RANBP2: variants seen among roughly 807,000 people sequenced by gnomAD.
RANBP2 encodes RAN binding protein 2.
Under a neutral mutation model 303.6 loss-of-function variants are expected in RANBP2, and 57 were observed. The ratio of observed to expected loss-of-function variants is 0.19; its 90% CI spans 0.15 to 0.23. RANBP2 has a LOEUF of 0.23. Ranked by LOEUF, RANBP2 falls within the 10% of genes least tolerant of loss-of-function variation. RANBP2 has a pLI of 1.00. For missense variants in RANBP2, 3,138 were observed against 3,780.8 expected (o/e 0.83, Z 4.46); for synonymous variants, 1,167 against 1,301.5 (o/e 0.90, Z 2.23).
the RANBP2 span, among the ~76,000 whole-genome samples, chr2:109,310,812 T>C: frequency 1.0e-5 from 1 of 95,434 alleles, no homozygotes; most frequent in Non-Finnish European, 1.9e-5. Context: ...AATCTCTGAA[T>C]AGACCAATAA....
chr2:109,393,688 G>A, the RANBP2 span, among the ~76,000 whole-genome samples: 2 of 151,680 alleles, frequency 1.3e-5, no homozygotes, highest in African/African-American at 4.8e-5. Flanking sequence ...CCCTTGTATC[G>A]CGCTCCCAAG....
At chr2:108,946,450 A>G in the RANBP2 span, among the ~76,000 whole-genome samples, 1 of 152,228 alleles carries the variant, frequency 6.6e-6, no homozygotes, top group Non-Finnish European at 1.5e-5. Context: ...GCACCAAACA[A>G]TTCTTAAAAA....
chr2:109,315,471 T>A, the RANBP2 span, among the ~76,000 whole-genome samples: 1 of 152,266 alleles, frequency 6.6e-6, no homozygotes, highest in Non-Finnish European at 1.5e-5. Context: ...CACTTGCTTT[T>A]ACTAAGAGGC....
chr2:109,726,488 A>T, the RANBP2 span, among the ~76,000 whole-genome samples: 2 of 152,084 alleles, frequency 1.3e-5, no homozygotes, highest in East Asian at 1.9e-4. Context: ...CCCCTCCAGG[A>T]TCCCTTTGTG....
chr2:108,809,231 T>C, the RANBP2 span, among the ~76,000 whole-genome samples: 1 of 152,200 alleles, frequency 6.6e-6, no homozygotes, highest in Non-Finnish European at 1.5e-5. Context: ...TTGTAGTATA[T>C]TTTGAGTTTA....
At chr2:109,268,303 G>A in the RANBP2 span, among the ~76,000 whole-genome samples, 1 of 151,682 alleles carries the variant, frequency 6.6e-6, no homozygotes, top group Admixed American at 6.6e-5. Flanking sequence ...TGGGATTGGG[G>A]GACAGTCTGG....
chr2:108,910,462 C>T, the RANBP2 span: 1 of 1,613,374 alleles, frequency 6.2e-7, no homozygotes, highest in Middle Eastern at 1.7e-4. Flanking sequence ...CCACATACCT[C>T]TTGGTGGGCT....
chr2:109,452,242 G>C, the RANBP2 span, among the ~76,000 whole-genome samples: 1 of 152,312 alleles, frequency 6.6e-6, no homozygotes, highest in African/African-American at 2.4e-5. Flanking sequence ...GCTGGGCTAG[G>C]GGGCTGCAGC....
the RANBP2 span, chr2:108,896,343 T>C: frequency 1.3e-5 from 2 of 154,240 alleles, no homozygotes; most frequent in African/African-American, 4.8e-5. Context: ...CTGCATTTTG[T>C]TGCCATTTTA....
At chr2:108,861,584 G>T in the RANBP2 span, among the ~76,000 whole-genome samples, 1 of 150,076 alleles carries the variant, frequency 6.7e-6, no homozygotes, top group African/African-American at 2.5e-5. Context: ...GGGTTCAAGC[G>T]ATTCTTCTGC....
the RANBP2 span, among the ~76,000 whole-genome samples, chr2:109,331,835 G>A: frequency 6.6e-6 from 1 of 151,976 alleles, no homozygotes; most frequent in African/African-American, 2.4e-5. Context: ...CTTTGCCAGG[G>A]GCACCCTGTC....
chr2:108,972,985 T>C, the RANBP2 span, among the ~76,000 whole-genome samples: 1 of 152,220 alleles, frequency 6.6e-6, no homozygotes, highest in East Asian at 1.9e-4. Context: ...TTATTTATTT[T>C]AATTGAATTT....
the RANBP2 span, among the ~76,000 whole-genome samples, chr2:109,354,739 G>A: frequency 4.4e-4 from 67 of 152,352 alleles, 1 homozygote; most frequent in East Asian, 0.011. Context: ...ACCCTGCCCC[G>A]CAGCCTCTGT....
chr2:109,094,833 A>G, the RANBP2 span, among the ~76,000 whole-genome samples: 1 of 152,134 alleles, frequency 6.6e-6, no homozygotes, highest in Non-Finnish European at 1.5e-5. Flanking sequence ...TCCATCTCAA[A>G]CAAACAAACA....
the RANBP2 span, among the ~76,000 whole-genome samples, chr2:109,630,197 T>C: frequency 6.6e-6 from 1 of 152,124 alleles, no homozygotes; most frequent in African/African-American, 2.4e-5. Flanking sequence ...TATATATATA[T>C]TTATGTATAT....
At chr2:109,446,898 C>T in the RANBP2 span, among the ~76,000 whole-genome samples, 1 of 152,046 alleles carries the variant, frequency 6.6e-6, no homozygotes, top group Non-Finnish European at 1.5e-5. Flanking sequence ...AGGGCCACAG[C>T]GCTTCCCTGG....
intron 25 of RANBP2, among the ~76,000 whole-genome samples, chr2:108,778,579 T>G (rs964443710): frequency 6.6e-6 from 1 of 152,218 alleles, no homozygotes; most frequent in East Asian, 1.9e-4. Context: ...ATTGATATAT[T>G]ACAAATACTT....
the RANBP2 span, among the ~76,000 whole-genome samples, chr2:108,944,672 G>A: frequency 1.3e-5 from 2 of 152,170 alleles, no homozygotes; most frequent in Non-Finnish European, 2.9e-5. Context: ...AGCAAAACAA[G>A]GAGAGGCCCT....
chr2:109,634,143 A>G, the RANBP2 span, among the ~76,000 whole-genome samples: 726 of 150,436 alleles, frequency 4.8e-3, 9 homozygotes, highest in African/African-American at 0.017. Context: ...AAAAAAAAAA[A>G]AAAGAAAAGA....
Sources: allele counts gnomAD v4.1 joint callset (sites outside exome capture counted in the v4.1 genomes callset), GRCh38; gene constraint gnomAD v4.1.1; transcripts MANE v1.5; gene names NCBI Gene and HGNC (gene_info 2026-07-23, HGNC 2026-07-21).